The following WWOX variants were observed in gnomAD, a reference collection of about 807,000 sequenced individuals.
The protein encoded by WWOX is WW domain containing oxidoreductase, also known as WW domain-containing oxidoreductase.
WWOX carries 69 observed loss-of-function variants against 46.2 expected under a neutral mutation model. That is an observed-to-expected ratio of 1.49 (90% CI 1.23 to 1.82). The LOEUF is 1.82. WWOX is among the 40% of genes most tolerant of loss of function. The pLI is 0.00. For missense variants in WWOX, 919 were observed against 542.6 expected (o/e 1.69, Z -6.89); for synonymous variants, 359 against 202.6 (o/e 1.77, Z -6.56).
At position 79,209,358 on chromosome 16, in the gene WWOX, G is replaced by C. The variant is rs191748064; in HGVS notation, c.1057-2250G>C. Among the ~76,000 whole-genome samples the C allele has an allele frequency of 3.5e-4, 54 of 152,298 alleles. No homozygotes were observed. In the East Asian group the frequency reaches 7.5e-3, roughly 21 times the overall value. On this transcript the variant is annotated intron_variant, in intron 8 of 8. Coordinates refer to ENST00000566780, the MANE Select transcript of WWOX (RefSeq NM_016373.4). ...GTGCAACGTGGTATCATTACAGTAG[G>C]TCATAGTGGCAAAATATTTTATCAG... is the stretch of plus-strand genomic sequence containing the variant.
At chr16:78,683,008 G>C (rs1249142945) in intron 8 of WWOX, among the ~76,000 whole-genome samples, 1 of 152,116 alleles carries the variant, frequency 6.6e-6, no homozygotes, top group African/African-American at 2.4e-5. Context: ...TTCAATAAAT[G>C]AATCTGTAGG....
intron 5 of WWOX, among the ~76,000 whole-genome samples, chr16:78,239,188 C>T (rs895831854): frequency 1.3e-5 from 2 of 152,192 alleles, no homozygotes; most frequent in African/African-American, 2.4e-5. Flanking sequence ...ATTTCTCCCA[C>T]GGCTTCTCCC....
In WWOX at chr16:78,736,905, G is replaced by T. The variant is rs186609787; in HGVS notation, c.1056+304153G>T. Among the ~76,000 whole-genome samples the T allele has an allele frequency of 5.3e-3, 810 of 151,724 alleles. 5 individuals carry two copies. Among genetic ancestry groups the T allele is most frequent in the Non-Finnish European group, 7.8e-3 (529 of 67,868 alleles). On this transcript the variant is annotated intron_variant, in intron 8 of 8. Coordinates refer to ENST00000566780, the MANE Select transcript of WWOX (RefSeq NM_016373.4). The stretch of plus-strand genomic sequence containing the variant: ...ATTATAGGCATGAGGCAATGTGCCC[G>T]GCCCACAATGGTTTTCATATAGCTA...
intron 4 of WWOX, among the ~76,000 whole-genome samples, chr16:78,152,465 C>G (rs981050227): frequency 6.6e-6 from 1 of 152,134 alleles, no homozygotes; most frequent in East Asian, 1.9e-4. Context: ...ATAGCTATGT[C>G]CCAACTGCCC....
chr16:78,314,895 C>A (rs1034222966), intron 5 of WWOX, among the ~76,000 whole-genome samples: 1 of 152,042 alleles, frequency 6.6e-6, no homozygotes, highest in African/African-American at 2.4e-5. Flanking sequence ...GTTTTTCCAG[C>A]AACCTTCCCT....
At chr16:79,023,033 T>C (rs182399246) in intron 8 of WWOX, among the ~76,000 whole-genome samples, 1 of 151,766 alleles carries the variant, frequency 6.6e-6, no homozygotes, top group East Asian at 1.9e-4. Context: ...CACTCACTGC[T>C]GTTGGCTTAT....
rs957287292 is a variant in WWOX at position 79,189,320 on chromosome 16, C to G, written c.1057-22288C>G. 9.2e-5 allele frequency among the ~76,000 whole-genome samples: 14 copies of G among 151,958 alleles called. No homozygotes were observed. In the South Asian group the frequency reaches 2.7e-3, roughly 29 times the overall value. On this transcript the variant is annotated intron_variant, in intron 8 of 8. Coordinates refer to ENST00000566780, the MANE Select transcript of WWOX (RefSeq NM_016373.4). ...TCACCCAGGCTGGAGTACAGTGTCA[C>G]CATTGTGGCTCACTGCAGCCTCGAC...
intron 8 of WWOX, among the ~76,000 whole-genome samples, chr16:78,713,555 T>C (rs1315928149): frequency 6.6e-6 from 1 of 152,158 alleles, no homozygotes; most frequent in Non-Finnish European, 1.5e-5. Context: ...GGATGGTCCC[T>C]AATTCAGTTT....
chr16:78,791,534 C>G (rs1446485836), intron 8 of WWOX, among the ~76,000 whole-genome samples: 2 of 152,154 alleles, frequency 1.3e-5, no homozygotes, highest in African/African-American at 4.8e-5. Context: ...ATGGGTTTCA[C>G]TGCTCTAAGG....
chr16:78,784,440 TGAA>T (rs1190135014), intron 8 of WWOX, among the ~76,000 whole-genome samples: 2 of 151,944 alleles, frequency 1.3e-5, no homozygotes, highest in East Asian at 3.9e-4. Context: ...CGCTGGTGAG[TGAA>T]GTTCTTACCC....
chr16:78,271,234 G>A lies in WWOX; in HGVS notation c.516+106945G>A, dbSNP rs368085620. Among the ~76,000 whole-genome samples the A allele has an allele frequency of 5.3e-5, 8 of 151,844 alleles. No individual in the cohort carries two copies. In the East Asian group the frequency reaches 9.7e-4, roughly 18 times the overall value. Reference sequence around the variant, plus strand: ...ATCCCATTCACAGATGGTTTTTTTCGTCCACCTGAGTTTCAAATCTGTTGT... The same window carrying A: ...ATCCCATTCACAGATGGTTTTTTTCATCCACCTGAGTTTCAAATCTGTTGT... On this transcript the variant is annotated intron_variant, in intron 5 of 8. Transcript: ENST00000566780.
At chr16:78,829,384 T>A (rs1410746984) in intron 8 of WWOX, among the ~76,000 whole-genome samples, 1 of 152,248 alleles carries the variant, frequency 6.6e-6, no homozygotes, top group East Asian at 1.9e-4. Context: ...TATTCGGGCC[T>A]TCAACAGATT....
intron 8 of WWOX, among the ~76,000 whole-genome samples, chr16:78,900,050 C>G (rs1459981862): frequency 2.1e-5 from 3 of 145,076 alleles, no homozygotes; most frequent in East Asian, 4.1e-4. Flanking sequence ...TATACAAGCC[C>G]TCCTGACTTT....
chr16:78,900,448 A>C (rs2044802565), intron 8 of WWOX, among the ~76,000 whole-genome samples: 1 of 152,224 alleles, frequency 6.6e-6, no homozygotes, highest in Non-Finnish European at 1.5e-5. Flanking sequence ...ACTTTCTGTT[A>C]GGAAAGTGAT....
intron 8 of WWOX, among the ~76,000 whole-genome samples, chr16:78,754,120 G>C (rs910092541): frequency 6.6e-6 from 1 of 151,780 alleles, no homozygotes; most frequent in African/African-American, 2.4e-5. Flanking sequence ...AATGGATTCC[G>C]CCAGGCATTT....
intron 8 of WWOX, among the ~76,000 whole-genome samples, chr16:78,600,816 C>G (rs934491461): frequency 1.3e-5 from 2 of 152,178 alleles, no homozygotes; most frequent in African/African-American, 2.4e-5. Flanking sequence ...AATCGGATGT[C>G]TAGAATGGAC....
At chr16:78,820,643 G>T (rs1332790719) in intron 8 of WWOX, among the ~76,000 whole-genome samples, 4 of 152,134 alleles carry the variant, frequency 2.6e-5, no homozygotes, top group Non-Finnish European at 5.9e-5. Flanking sequence ...CTTCAGGGAA[G>T]TGCCTTGCAT....
rs2031618743 is a variant in WWOX at position 78,099,748 on chromosome 16, A to G, written c.-31A>G. 1.3e-6 allele frequency: 2 copies of G among 1,521,726 alleles called. No homozygotes were observed. Among genetic ancestry groups the G allele is most frequent in the African/African-American group, 1.4e-5 (1 of 70,918 alleles). 94.3% of individuals were successfully genotyped at this position (1,521,726 alleles called of 1,614,324 possible). A position where few individuals can be genotyped will look rare whatever the true frequency, so the allele number is the denominator to read the frequency against. ...GAGCGAGTGGACCCGGCAGCGGGCG[A>G]TAGGGGGGCCAGGTGCCTCCACAGT... On this transcript the variant is annotated 5_prime_UTR_variant, in exon 1 of 9. Coordinates refer to ENST00000566780, the MANE Select transcript of WWOX (RefSeq NM_016373.4).
chr16:78,456,966 C>A (rs373577204), intron 8 of WWOX, among the ~76,000 whole-genome samples: 5 of 152,316 alleles, frequency 3.3e-5, no homozygotes, highest in South Asian at 2.1e-4. Flanking sequence ...ATGCACATCC[C>A]CTTGTGGGCT....
Sources: gnomAD v4.1 joint callset for allele counts (sites outside exome capture counted in the v4.1 genomes callset) on GRCh38, gnomAD v4.1.1 for gene constraint, MANE v1.5 for transcripts, NCBI Gene and HGNC (gene_info 2026-07-23, HGNC 2026-07-21) for gene names.